JMJD1C: variants seen among roughly 807,000 people sequenced by gnomAD.
The protein encoded by JMJD1C is jumonji domain containing 1C, also known as jumonji domain-containing protein 1C.
In JMJD1C, 31 loss-of-function variants were observed where a neutral mutation model predicts 245.3. The observed-to-expected ratio is 0.13, with a 90% CI of 0.09 to 0.17. JMJD1C has a LOEUF of 0.17. JMJD1C is among the 10% of genes least tolerant of loss of function. The pLI, the probability that JMJD1C is intolerant of heterozygous loss-of-function variation, is 1.00. For synonymous variants in JMJD1C, 1,057 were observed against 1,017.4 expected (o/e 1.04, Z -0.74); for missense variants, 2,691 against 3,000.2 (o/e 0.90, Z 2.41).
chr10:63,360,119 G>A (rs1334519277), intron 2 of JMJD1C, among the ~76,000 whole-genome samples: 3 of 152,040 alleles, frequency 2.0e-5, no homozygotes, highest in Non-Finnish European at 4.4e-5. Context: ...AGACCAGTTT[G>A]GGAAACATAG....
chr10:63,459,881 T>C (rs1952663117), intron 1 of JMJD1C, among the ~76,000 whole-genome samples: 1 of 152,204 alleles, frequency 6.6e-6, no homozygotes, highest in South Asian at 2.1e-4. Context: ...CAGTAGTATG[T>C]AGGATTCAGA....
At chr10:63,446,121 C>T (rs3956912) in intron 1 of JMJD1C, among the ~76,000 whole-genome samples, 63,804 of 151,650 alleles carry the variant, frequency 0.42, 14,154 homozygotes, top group South Asian at 0.53. Flanking sequence ...GCAATGTACC[C>T]GCCTTGGCCT....
intron 3 of JMJD1C, among the ~76,000 whole-genome samples, chr10:63,231,919 C>T (rs1850064451): frequency 6.6e-6 from 1 of 152,180 alleles, no homozygotes; most frequent in Admixed American, 6.5e-5. Flanking sequence ...CTCACTGCAG[C>T]CTCCGTCTCC....
chr10:63,328,490 T>C (rs945854045), intron 2 of JMJD1C, among the ~76,000 whole-genome samples: 1 of 152,236 alleles, frequency 6.6e-6, no homozygotes, highest in Non-Finnish European at 1.5e-5. Flanking sequence ...ATTATATTTA[T>C]AGACATGTGA....
At chr10:63,185,716 T>G (rs1844052527) in intron 19 of JMJD1C, 63 bp from the exon 20 acceptor site, 1 of 921,302 alleles carries the variant, frequency 1.1e-6, no homozygotes, top group Non-Finnish European at 1.8e-6. Flanking sequence ...TATTAACATT[T>G]GGAAAGAAAC....
At chr10:63,391,710 T>G (rs1161018477) in intron 1 of JMJD1C, among the ~76,000 whole-genome samples, 1 of 152,162 alleles carries the variant, frequency 6.6e-6, no homozygotes, top group Non-Finnish European at 1.5e-5. Context: ...ATTAAAATGA[T>G]CATATTGTCT....
rs374153736 is a variant in JMJD1C, at chr10:63,197,610, T to G, written c.5492-47A>C. 545 of 1,457,082 alleles carry G rather than the reference T, an allele frequency of 3.7e-4. 1 individual carries two copies. The highest frequency in any genetic ancestry group is 7.6e-5 in the Non-Finnish European group (84 of 1,103,330). 90.3% of individuals were successfully genotyped at this position (1,457,082 alleles called of 1,614,324 possible). On this transcript the variant is annotated intron_variant, in intron 12 of 25. Transcript: ENST00000399262. Reference sequence around the variant, plus strand: ...AATTTTAAAGGCAAACATGCTCTTTTCCAAGGCAATTTTGGCTGAAATACA... The same window carrying G: ...AATTTTAAAGGCAAACATGCTCTTTGCCAAGGCAATTTTGGCTGAAATACA...
At chr10:63,245,491 T>C (rs9663277) in intron 3 of JMJD1C, among the ~76,000 whole-genome samples, 1 of 141,912 alleles carries the variant, frequency 7.0e-6, no homozygotes, top group Non-Finnish European at 1.5e-5. Context: ...TTTTTTTTTT[T>C]TTTTTTTTGA....
chr10:63,414,765 G>A (rs1019879768), intron 1 of JMJD1C, among the ~76,000 whole-genome samples: 1 of 151,802 alleles, frequency 6.6e-6, no homozygotes, highest in Non-Finnish European at 1.5e-5. Flanking sequence ...AAACTCACCG[G>A]TTGTGGTGGC....
intron 1 of JMJD1C, among the ~76,000 whole-genome samples, chr10:63,445,281 T>C (rs989407456): frequency 7.2e-5 from 11 of 152,140 alleles, no homozygotes; most frequent in South Asian, 6.2e-4. Flanking sequence ...TATTTGGTGA[T>C]AGATGATAGA....
intron 24 of JMJD1C, among the ~76,000 whole-genome samples, chr10:63,170,073 G>A (rs1424246716): frequency 1.3e-5 from 2 of 152,082 alleles, no homozygotes; most frequent in Non-Finnish European, 2.9e-5. Flanking sequence ...AAGAACTTTT[G>A]GTATATCTAG....
chr10:63,185,599 G>T lies in JMJD1C; in HGVS notation c.6794C>A (p.Pro2265His). ...CATAGTCTTGAAGTCTTCTCCTGAA[G>T]GCCAGTCTTTCAATTTTAAAACAAC... ...ETVVLKLKDW[P>H]SGEDFKTMMP... is the part of the protein sequence containing the mutation. Residue 2265 changes from proline (P) to histidine (H), a missense_variant, in exon 20 of 26, where the codon CCT becomes CAT. Physicochemically the swap from Pro to His is moderately conservative, Grantham distance 77 (BLOSUM62 -2). This residue lies in a region of JMJD1C where 232 missense variants were observed against 416.1 expected (regional missense o/e 0.56). Transcript: ENST00000399262. 1 of 1,608,014 alleles carries T rather than the reference G, an allele frequency of 6.2e-7. No homozygotes were observed. Among genetic ancestry groups the T allele is most frequent in the Non-Finnish European group, 8.5e-7 (1 of 1,174,438 alleles).
chr10:63,470,365 C>CT (rs1455827377), upstream of JMJD1C, among the ~76,000 whole-genome samples: 1 of 152,164 alleles, frequency 6.6e-6, no homozygotes. Context: ...ATGAGAGTTC[C>CT]TGTTCTTCCT....
intron 1 of JMJD1C, among the ~76,000 whole-genome samples, chr10:63,404,432 T>C (rs768910590): frequency 3.9e-5 from 6 of 152,142 alleles, no homozygotes; most frequent in Non-Finnish European, 7.3e-5. Context: ...TTTAAACAGA[T>C]AGGGCCTTGC....
chr10:63,298,031 C>T (rs976184864), intron 2 of JMJD1C, among the ~76,000 whole-genome samples: 5 of 152,334 alleles, frequency 3.3e-5, no homozygotes, highest in South Asian at 2.1e-4. Context: ...CAGCTGCTTA[C>T]GGTACATCTG....
At chr10:63,355,592 T>G (rs940019089) in intron 2 of JMJD1C, among the ~76,000 whole-genome samples, 5 of 152,002 alleles carry the variant, frequency 3.3e-5, no homozygotes, top group Non-Finnish European at 7.4e-5. Context: ...GAGCAGTATG[T>G]GAAAGAGGGA....
Position 63,186,357 on chromosome 10 carries a change from C to T in JMJD1C, c.6597G>A (p.Lys2199=). Residue 2199 remains lysine, a synonymous_variant, in exon 19 of 26, where the codon AAG becomes AAA. Coordinates refer to ENST00000399262, the MANE Select transcript of JMJD1C (RefSeq NM_032776.3). ...GQPAVVSGVH[K]KMNISLWKAE... Reference sequence around the variant, plus strand: ...CCTTCCATAGGCTAATGTTCATTTTCTTATGCACACCAGAAACCACTGCAG... The same window carrying T: ...CCTTCCATAGGCTAATGTTCATTTTTTTATGCACACCAGAAACCACTGCAG... 1.9e-6 allele frequency: 3 copies of T among 1,612,574 alleles called. No individual in the cohort carries two copies. Among genetic ancestry groups the T allele is most frequent in the South Asian group, 1.1e-5 (1 of 90,774 alleles).
intron 1 of JMJD1C, among the ~76,000 whole-genome samples, chr10:63,456,833 G>C (rs539035499): frequency 9.2e-5 from 14 of 152,218 alleles, no homozygotes; most frequent in African/African-American, 3.1e-4. Context: ...TAACTATTTA[G>C]TGATACTAAT....
At chr10:63,399,997 TAAATA>T (rs932602322) in intron 1 of JMJD1C, among the ~76,000 whole-genome samples, 1 of 152,168 alleles carries the variant, frequency 6.6e-6, no homozygotes, top group African/African-American at 2.4e-5. Context: ...TATATTTACT[TAAATA>T]AAAAGCCTAC....
Sources: allele counts gnomAD v4.1 joint callset (sites outside exome capture counted in the v4.1 genomes callset), GRCh38; gene constraint gnomAD v4.1.1; regional missense constraint gnomAD v4.1.1; transcripts MANE v1.5; gene names NCBI Gene and HGNC (gene_info 2026-07-23, HGNC 2026-07-21).